EFHC2: variants seen among roughly 807,000 people sequenced by gnomAD.
EFHC2 encodes the protein EF-hand domain containing 2, also known as EF-hand domain-containing family member C2.
EFHC2 carries 18 observed loss-of-function variants against 52.7 expected under a neutral mutation model. That is an observed-to-expected ratio of 0.34 (90% CI 0.24 to 0.51). EFHC2 has a LOEUF of 0.51. EFHC2 is among the 20% of genes least tolerant of loss of function. The pLI, the probability that EFHC2 is intolerant of heterozygous loss-of-function variation, is 0.97. For synonymous variants in EFHC2, 203 were observed against 204.1 expected (o/e 0.99, Z 0.04); for missense variants, 513 against 562.5 (o/e 0.91, Z 0.89).
intron 8 of EFHC2, among the ~76,000 whole-genome samples, chrX:44,239,291 T>C (rs2037343452): frequency 8.9e-6 from 1 of 112,193 alleles, no homozygotes; most frequent in African/African-American, 3.2e-5. Flanking sequence ...CATCTGTCTC[T>C]TCTATCCATG....
intron 14 of EFHC2, among the ~76,000 whole-genome samples, chrX:44,159,921 T>C (rs1375355854): frequency 8.9e-6 from 1 of 112,683 alleles, no homozygotes; most frequent in African/African-American, 3.2e-5. Context: ...GGGAGAGGTA[T>C]TGTGGTAAGT....
intron 1 of EFHC2, among the ~76,000 whole-genome samples, chrX:44,320,898 C>A: frequency 9.0e-6 from 1 of 110,956 alleles, no homozygotes; most frequent in Non-Finnish European, 1.9e-5. Context: ...GTCTAGAGTC[C>A]TCTAACTTGA....
At chrX:44,215,809 C>T (rs2147308503) in intron 11 of EFHC2, among the ~76,000 whole-genome samples, 1 of 112,017 alleles carries the variant, frequency 8.9e-6, no homozygotes, top group South Asian at 3.7e-4. Flanking sequence ...GGAAGAGATT[C>T]CCTACTGTTC....
chrX:44,201,080 TCTAA>T (rs759535486), intron 11 of EFHC2, among the ~76,000 whole-genome samples: 7 of 112,134 alleles, frequency 6.2e-5, no homozygotes, highest in Admixed American at 1.9e-4. Context: ...GACAATGTTC[TCTAA>T]CTAAACGTAA....
intron 11 of EFHC2, among the ~76,000 whole-genome samples, chrX:44,205,603 T>C (rs2037042845): frequency 9.0e-6 from 1 of 110,969 alleles, no homozygotes; most frequent in Non-Finnish European, 1.9e-5. Context: ...ACAACAACTT[T>C]AAACCAACGA....
At chrX:44,181,084 G>T (rs1352136605) in intron 11 of EFHC2, among the ~76,000 whole-genome samples, 1 of 110,999 alleles carries the variant, frequency 9.0e-6, no homozygotes, top group Non-Finnish European at 1.9e-5. Flanking sequence ...GACAGACAAA[G>T]ACCCCATCTC....
At position 44,286,780 on chromosome X, in the gene EFHC2, G is replaced by A. The variant is rs1313741729; in HGVS notation, c.232-13944C>T. 5.5e-5 allele frequency among the ~76,000 whole-genome samples: 6 copies of A among 109,765 alleles called. No individual in the cohort carries two copies. In the East Asian group the frequency reaches 1.1e-3, roughly 21 times the overall value. On this transcript the variant is annotated intron_variant, in intron 2 of 14. Coordinates refer to ENST00000420999, the MANE Select transcript of EFHC2 (RefSeq NM_025184.4). ...TGTCATTCCAGCACTTTGGGAGGCC[G>A]AGGCGAGCGGATCACTTGAGCCCAG...
At chrX:44,210,421 C>T (rs1318334533) in intron 11 of EFHC2, among the ~76,000 whole-genome samples, 1 of 112,166 alleles carries the variant, frequency 8.9e-6, no homozygotes, top group Non-Finnish European at 1.9e-5. Context: ...CTAACACTAT[C>T]AGATTTCAAG....
intron 11 of EFHC2, among the ~76,000 whole-genome samples, chrX:44,207,438 G>C (rs2037056892): frequency 9.0e-6 from 1 of 110,685 alleles, no homozygotes; most frequent in Non-Finnish European, 1.9e-5. Context: ...TTGAGCCCGA[G>C]AGGCGGAGGT....
chrX:44,246,148 C>A (rs1453692477), intron 7 of EFHC2, among the ~76,000 whole-genome samples: 2 of 111,972 alleles, frequency 1.8e-5, no homozygotes. Flanking sequence ...TTGCTGAGAC[C>A]AGATGAACTA....
At chrX:44,291,470 G>T (rs1291470934) in intron 2 of EFHC2, among the ~76,000 whole-genome samples, 1 of 111,974 alleles carries the variant, frequency 8.9e-6, no homozygotes, top group African/African-American at 3.2e-5. Flanking sequence ...AAGTTTTCAT[G>T]ACTAAATCTA....
At chrX:44,337,757 A>C (rs1411379198) in intron 1 of EFHC2, among the ~76,000 whole-genome samples, 1 of 112,194 alleles carries the variant, frequency 8.9e-6, no homozygotes, top group Non-Finnish European at 1.9e-5. Context: ...ATAAGAAATT[A>C]CCATTTCGCA....
intron 7 of EFHC2, among the ~76,000 whole-genome samples, chrX:44,244,548 T>A (rs762277369): frequency 1.8e-5 from 2 of 112,561 alleles, no homozygotes; most frequent in Non-Finnish European, 3.8e-5. Context: ...CTGATTCCTC[T>A]AATTCCAAGT....
At position 44,197,554 on chromosome X, in the gene EFHC2, C is replaced by T. The variant is rs1019731849; in HGVS notation, c.1752-18990G>A. Among the ~76,000 whole-genome samples the T allele has an allele frequency of 9.8e-5, 11 of 111,800 alleles. No homozygotes were observed. In the East Asian group the frequency reaches 3.1e-3, roughly 32 times the overall value. ...GGAAGAGAGTGACCCAGATTGGCAGCACAGAACCAGCAGTCCAAGGCCACA... is the reference window on the plus strand; with the variant it reads ...GGAAGAGAGTGACCCAGATTGGCAGTACAGAACCAGCAGTCCAAGGCCACA... On this transcript the variant is annotated intron_variant, in intron 11 of 14. Transcript: ENST00000420999.
chrX:44,273,456 T>A (rs1457819758), intron 2 of EFHC2, among the ~76,000 whole-genome samples: 1 of 112,264 alleles, frequency 8.9e-6, no homozygotes, highest in Non-Finnish European at 1.9e-5. Context: ...AAAGCAGTTA[T>A]GGTAAAATTC....
chrX:44,156,607 G>A (rs1311268414), intron 14 of EFHC2, among the ~76,000 whole-genome samples: 1 of 112,126 alleles, frequency 8.9e-6, no homozygotes, highest in Non-Finnish European at 1.9e-5. Flanking sequence ...ATCCTATTGT[G>A]AAAGAGAGTG....
chrX:44,196,690 G>GC (rs1199073336), intron 11 of EFHC2, among the ~76,000 whole-genome samples: 1 of 112,118 alleles, frequency 8.9e-6, no homozygotes, highest in African/African-American at 3.2e-5. Flanking sequence ...CCATCCAGGG[G>GC]CACATACATG....
In EFHC2 at chrX:44,248,253, T is replaced by C; in HGVS notation, c.1111+19A>G. 1 of 1,084,625 alleles carries C rather than the reference T, an allele frequency of 9.2e-7. No homozygotes were observed. Among genetic ancestry groups the C allele is most frequent in the Non-Finnish European group, 1.2e-6 (1 of 816,726 alleles). The allele number at this position is 1,084,625 out of a possible 1,213,427, so 89.4% of individuals were successfully genotyped here. ...ATTTAATTTTAAAAATATTTTTAAT[T>C]GACATATGTATCACTTACCAATTCC... On this transcript the variant is annotated intron_variant, in intron 7 of 14. Transcript: ENST00000420999.
At chrX:44,249,888 C>A (rs1239506613) in intron 5 of EFHC2, among the ~76,000 whole-genome samples, 1 of 112,486 alleles carries the variant, frequency 8.9e-6, no homozygotes, top group African/African-American at 3.2e-5. Flanking sequence ...ACAAGCAATT[C>A]TTTTACTAAG....
Sources: gnomAD v4.1 joint callset for allele counts (sites outside exome capture counted in the v4.1 genomes callset) on GRCh38, gnomAD v4.1.1 for gene constraint, MANE v1.5 for transcripts, NCBI Gene and HGNC (gene_info 2026-07-23, HGNC 2026-07-21) for gene names.